Variants in EPN2 observed in about 807,000 individuals in gnomAD.
EPN2 encodes epsin 2.
EPN2 carries 34 observed loss-of-function variants against 61.7 expected under a neutral mutation model. The observed-to-expected ratio is 0.55, with a 90% CI of 0.42 to 0.73. The LOEUF (loss-of-function observed/expected upper bound fraction) is 0.73. Ranked by LOEUF, EPN2 falls within the 30% of genes least tolerant of loss-of-function variation. The pLI is 0.00. For missense variants in EPN2, 714 were observed against 839.2 expected (o/e 0.85, Z 1.84); for synonymous variants, 349 against 353.6 (o/e 0.99, Z 0.15).
chr17:19,316,604 C>T (rs1228024202), intron 7 of EPN2, among the ~76,000 whole-genome samples: 1 of 152,178 alleles, frequency 6.6e-6, no homozygotes, highest in African/African-American at 2.4e-5. Flanking sequence ...TGTCTGCTTC[C>T]TGTCTTTTTT....
At chr17:19,268,873 TG>T (rs2045227009) in intron 1 of EPN2, among the ~76,000 whole-genome samples, 1 of 151,998 alleles carries the variant, frequency 6.6e-6, no homozygotes, top group East Asian at 2.0e-4. Flanking sequence ...ACAGGCAGGC[TG>T]GGGAAGACTG....
At chr17:19,260,405 G>A (rs139889254) in intron 1 of EPN2, among the ~76,000 whole-genome samples, 3 of 152,284 alleles carry the variant, frequency 2.0e-5, no homozygotes, top group Admixed American at 6.5e-5. Context: ...CTGGAAGAGA[G>A]TCACAGAAAG....
chr17:19,333,393 A>G (rs140975125), intron 10 of EPN2, among the ~76,000 whole-genome samples: 4 of 152,312 alleles, frequency 2.6e-5, no homozygotes, highest in Non-Finnish European at 4.4e-5. Flanking sequence ...GCCAGGCTGC[A>G]TGGGAGAGTT....
At chr17:19,240,849 G>A (rs142791945) in intron 1 of EPN2, among the ~76,000 whole-genome samples, 1 of 152,274 alleles carries the variant, frequency 6.6e-6, no homozygotes, top group African/African-American at 2.4e-5. Flanking sequence ...CTCGGTCTCT[G>A]ATAGATGGTA....
intron 1 of EPN2, among the ~76,000 whole-genome samples, chr17:19,247,666 G>C (rs2044968029): frequency 6.6e-6 from 1 of 152,224 alleles, no homozygotes; most frequent in Admixed American, 6.5e-5. Flanking sequence ...TGGCTCTGAT[G>C]AGACAGCAGC....
At chr17:19,331,719 C>T in intron 9 of EPN2, 134 bp from the exon 10 acceptor site, 1 of 709,612 alleles carries the variant, frequency 1.4e-6, no homozygotes, top group Non-Finnish European at 2.5e-6. Context: ...CTAACCCAGC[C>T]CATGACTGGC....
At chr17:19,267,833 G>A (rs114717919) in intron 1 of EPN2, among the ~76,000 whole-genome samples, 1,534 of 152,256 alleles carry the variant, frequency 0.01, 21 homozygotes, top group African/African-American at 0.035. Context: ...GAGCCACCGC[G>A]TCCGGCCAAT....
intron 1 of EPN2, chr17:19,249,315 AG>A (rs1424862692): frequency 3.9e-5 from 6 of 152,146 alleles, no homozygotes; most frequent in African/African-American, 9.7e-5. Flanking sequence ...TGGGAGGGAG[AG>A]GTTGGAGGTT....
intron 1 of EPN2, among the ~76,000 whole-genome samples, chr17:19,255,255 C>T (rs911799113): frequency 1.3e-5 from 2 of 152,024 alleles, no homozygotes; most frequent in Non-Finnish European, 2.9e-5. Flanking sequence ...GGAGAATCTT[C>T]TGTAGTGAAT....
At position 19,310,967 on chromosome 17, in the gene EPN2, G is replaced by C. The variant is rs1906110141; in HGVS notation, c.879+970G>C. Among the ~76,000 whole-genome samples the C allele has an allele frequency of 2.6e-5, 4 of 152,102 alleles. No individual in the cohort carries two copies. In the South Asian group the frequency reaches 8.3e-4, roughly 31 times the overall value. Reference sequence around the variant, plus strand: ...TGGCCTTACAAATTGTCAAGCCTTTGGTTGCAGTTATCAGGGCTGTCTCCA... The same window carrying C: ...TGGCCTTACAAATTGTCAAGCCTTTCGTTGCAGTTATCAGGGCTGTCTCCA... On this transcript the variant is annotated intron_variant, in intron 5 of 10. Transcript: ENST00000314728.
At chr17:19,266,880 G>A (rs1358356160) in intron 1 of EPN2, among the ~76,000 whole-genome samples, 3 of 149,996 alleles carry the variant, frequency 2.0e-5, no homozygotes, top group Non-Finnish European at 4.4e-5. Context: ...AATGCAACAC[G>A]GATGAACCTT....
At chr17:19,241,673 A>G (rs1269602449) in intron 1 of EPN2, among the ~76,000 whole-genome samples, 1 of 152,194 alleles carries the variant, frequency 6.6e-6, no homozygotes, top group Non-Finnish European at 1.5e-5. Context: ...CAAGTTAACT[A>G]AAAATAGAAA....
At chr17:19,259,930 G>A (rs1179807643) in intron 1 of EPN2, among the ~76,000 whole-genome samples, 1 of 152,192 alleles carries the variant, frequency 6.6e-6, no homozygotes, top group African/African-American at 2.4e-5. Context: ...TGCTTTGCCT[G>A]TTGCATACCC....
intron 7 of EPN2, among the ~76,000 whole-genome samples, chr17:19,316,693 GTAGTGTCA>G (rs1365505417): frequency 6.6e-6 from 1 of 152,222 alleles, no homozygotes; most frequent in African/African-American, 2.4e-5. Flanking sequence ...ATTTCAATTT[GTAGTGTCA>G]TGAGCATTTC....
chr17:19,291,881 CAG>C (rs940645046), intron 4 of EPN2, among the ~76,000 whole-genome samples: 4 of 152,158 alleles, frequency 2.6e-5, no homozygotes, highest in African/African-American at 7.2e-5. Flanking sequence ...AAGGGAACCT[CAG>C]GGGTGAACCA....
At chr17:19,270,821 C>A (rs182397924) in intron 1 of EPN2, among the ~76,000 whole-genome samples, 35 of 152,332 alleles carry the variant, frequency 2.3e-4, no homozygotes, top group Admixed American at 2.2e-3. Flanking sequence ...AGTGGATTCT[C>A]AGGCCCCGTG....
At position 19,312,024 on chromosome 17, in the gene EPN2, A is replaced by G. The variant is rs373784264; in HGVS notation, c.880-28A>G. ...TGTTCTGTACAGTGATGTTATTACA[A>G]TTACCAGTTTGCATTGTCCCTCTAC... On this transcript the variant is annotated intron_variant, in intron 5 of 10. Coordinates refer to ENST00000314728, the MANE Select transcript of EPN2 (RefSeq NM_014964.5). 68 of 1,466,944 alleles carry G rather than the reference A, an allele frequency of 4.6e-5. No individual in the cohort carries two copies. In the Admixed American group the frequency reaches 5.8e-4, roughly 13 times the overall value. The allele number at this position is 1,466,944 out of a possible 1,614,324, so 90.9% of individuals were successfully genotyped here. A position where few individuals can be genotyped will look rare whatever the true frequency, so the allele number is the denominator to read the frequency against.
chr17:19,310,984 C>T (rs992600379), intron 5 of EPN2, among the ~76,000 whole-genome samples: 3 of 152,170 alleles, frequency 2.0e-5, no homozygotes, highest in African/African-American at 2.4e-5. Context: ...GTTATCAGGG[C>T]TGTCTCCAAT....
Position 19,329,657 on chromosome 17 carries a change from G to T in EPN2, c.1411+10G>T, listed in dbSNP as rs756403447. 1 of 1,522,146 alleles carries T rather than the reference G, an allele frequency of 6.6e-7. No individual in the cohort carries two copies. The highest frequency in any genetic ancestry group is 9.1e-7 in the Non-Finnish European group (1 of 1,100,404). The allele number at this position is 1,522,146 out of a possible 1,614,324, so 94.3% of individuals were successfully genotyped here. On this transcript the variant is annotated intron_variant, in intron 9 of 10. Coordinates refer to ENST00000314728, the MANE Select transcript of EPN2 (RefSeq NM_014964.5). ...ACTTCAAAAAAAACAGGTATGTACA[G>T]GTGATGATGGTTTCCATAATCCTCC...
Sources: allele counts gnomAD v4.1 joint callset (sites outside exome capture counted in the v4.1 genomes callset), GRCh38; gene constraint gnomAD v4.1.1; transcripts MANE v1.5; gene names NCBI Gene and HGNC (gene_info 2026-07-23, HGNC 2026-07-21).